Variants in TMEM233 observed in about 807,000 individuals in gnomAD.
TMEM233 encodes transmembrane protein 233.
Under a neutral mutation model 11.2 loss-of-function variants are expected in TMEM233, and 6 were observed. The observed-to-expected ratio is 0.54, with a 90% confidence interval of 0.29 to 1.06. TMEM233 has a LOEUF of 1.06. Among genes scored for constraint, TMEM233 ranks in the 50% least tolerant of loss-of-function variants. The probability of loss-of-function intolerance (pLI) is 0.08; values close to 1 mark genes in which losing one functional copy is unlikely to be tolerated. For synonymous variants in TMEM233, 59 were observed against 55.8 expected (o/e 1.06, Z -0.26); for missense variants, 127 against 144.7 (o/e 0.88, Z 0.63).
chr12:119,618,199 A>T (rs1954573933), intron 1 of TMEM233, among the ~76,000 whole-genome samples: 2 of 152,194 alleles, frequency 1.3e-5, no homozygotes, highest in Non-Finnish European at 2.9e-5. Flanking sequence ...AGAAGACAAT[A>T]ACTGAGGTTT....
chr12:119,636,097 C>T (rs551842165), intron 2 of TMEM233, among the ~76,000 whole-genome samples: 4 of 152,220 alleles, frequency 2.6e-5, no homozygotes, highest in South Asian at 2.1e-4. Flanking sequence ...TCCCTGGAGT[C>T]CAGGGGGTGG....
chr12:119,646,237 T>C (rs1046665550), downstream of TMEM233, among the ~76,000 whole-genome samples: 9 of 152,080 alleles, frequency 5.9e-5, no homozygotes, highest in African/African-American at 2.2e-4. Context: ...TTTTGTATTT[T>C]TAGTAGAGAC....
At chr12:119,653,983 AAAC>A in the TMEM233 span, among the ~76,000 whole-genome samples, 1 of 151,704 alleles carries the variant, frequency 6.6e-6, no homozygotes. Flanking sequence ...AAAAAAAAAA[AAAC>A]AAAAACCCAA....
At chr12:119,615,679 A>G (rs1028540781) in intron 1 of TMEM233, among the ~76,000 whole-genome samples, 7 of 152,184 alleles carry the variant, frequency 4.6e-5, no homozygotes, top group African/African-American at 1.4e-4. Flanking sequence ...CCAGGGTATC[A>G]TGTGGGATGT....
intron 1 of TMEM233, among the ~76,000 whole-genome samples, chr12:119,618,275 G>A (rs1197957694): frequency 6.6e-6 from 1 of 152,242 alleles, no homozygotes; most frequent in African/African-American, 2.4e-5. Context: ...GAAATTTGCT[G>A]CAGGGGCAGA....
chr12:119,649,770 T>G, the TMEM233 span, among the ~76,000 whole-genome samples: 1 of 150,460 alleles, frequency 6.6e-6, no homozygotes, highest in African/African-American at 2.5e-5. Flanking sequence ...ATGCCAACAC[T>G]GGCTCAGCGG....
At chr12:119,650,599 C>T in the TMEM233 span, among the ~76,000 whole-genome samples, 4 of 134,332 alleles carry the variant, frequency 3.0e-5, no homozygotes, top group Non-Finnish European at 6.3e-5. Context: ...TTAATTATAA[C>T]ACATTCCTTT....
intron 1 of TMEM233, among the ~76,000 whole-genome samples, chr12:119,604,288 C>T (rs1954221771): frequency 6.6e-6 from 1 of 152,176 alleles, no homozygotes; most frequent in African/African-American, 2.4e-5. Context: ...AATTGAGAAA[C>T]CAAATGCTGA....
chr12:119,640,874 G>GAGAAAT lies in TMEM233; in HGVS notation c.*169_*170insAGAAAT. On this transcript the variant is annotated 3_prime_UTR_variant, in exon 3 of 3. Transcript: ENST00000426426. ...TGAACAAGAAAAAAAAAAAAAAAAA[G>GAGAAAT]TCCAAAATTTAGGCAATCCAAGCTG... 1 of 566,202 alleles carries GAGAAAT rather than the reference G, an allele frequency of 1.8e-6. No individual in the cohort carries two copies. Among genetic ancestry groups the GAGAAAT allele is most frequent in the Non-Finnish European group, 2.8e-6 (1 of 357,214 alleles). 35.1% of individuals were successfully genotyped at this position (566,202 alleles called of 1,614,324 possible).
intron 1 of TMEM233, among the ~76,000 whole-genome samples, chr12:119,608,243 A>T (rs1218070273): frequency 6.6e-6 from 1 of 152,190 alleles, no homozygotes; most frequent in Non-Finnish European, 1.5e-5. Context: ...GAGAGAGGGC[A>T]CCTGATGCTC....
At chr12:119,621,052 T>C (rs1954631114) in intron 1 of TMEM233, among the ~76,000 whole-genome samples, 1 of 151,144 alleles carries the variant, frequency 6.6e-6, no homozygotes, top group Non-Finnish European at 1.5e-5. Flanking sequence ...GGCTTTTTTT[T>C]TTTTTTTTTT....
At chr12:119,645,320 C>CAAGAAAAA (rs1555268600), downstream of TMEM233, among the ~76,000 whole-genome samples, 6 of 74,794 alleles carry the variant, frequency 8.0e-5, no homozygotes, top group Non-Finnish European at 1.5e-4. Flanking sequence ...CACCAATTAC[C>CAAGAAAAA]AAAAAAAAAA....
intron 1 of TMEM233, among the ~76,000 whole-genome samples, chr12:119,623,778 C>T (rs1954694340): frequency 6.6e-6 from 1 of 152,130 alleles, no homozygotes; most frequent in South Asian, 2.1e-4. Flanking sequence ...GGAGCCAATA[C>T]CAACCACTTG....
At chr12:119,628,180 C>T (rs1207693207) in intron 1 of TMEM233, among the ~76,000 whole-genome samples, 3 of 151,160 alleles carry the variant, frequency 2.0e-5, no homozygotes, top group Non-Finnish European at 2.9e-5. Flanking sequence ...ATTTTTGAGA[C>T]GGAGTTTCAC....
chr12:119,615,763 G>A (rs1954515468), intron 1 of TMEM233, among the ~76,000 whole-genome samples: 1 of 152,296 alleles, frequency 6.6e-6, no homozygotes, highest in East Asian at 1.9e-4. Context: ...TAGGGCAGTG[G>A]AGTAGCTTTG....
chr12:119,597,563 AG>A (rs1954072058), intron 1 of TMEM233, among the ~76,000 whole-genome samples: 1 of 152,228 alleles, frequency 6.6e-6, no homozygotes, highest in Admixed American at 6.5e-5. Flanking sequence ...ACCAAATTAG[AG>A]TAGGTGCTGG....
At chr12:119,640,075 T>C (rs942283701) in intron 2 of TMEM233, among the ~76,000 whole-genome samples, 1 of 152,358 alleles carries the variant, frequency 6.6e-6, no homozygotes, top group South Asian at 2.1e-4. Context: ...AGCACTACTA[T>C]ACTAATCCTT....
chr12:119,648,510 C>T, the TMEM233 span, among the ~76,000 whole-genome samples: 3 of 152,320 alleles, frequency 2.0e-5, no homozygotes, highest in Non-Finnish European at 2.9e-5. Flanking sequence ...GATATGCCAA[C>T]GTTTCAAGAA....
At chr12:119,636,101 G>A (rs754722930) in intron 2 of TMEM233, among the ~76,000 whole-genome samples, 3 of 152,034 alleles carry the variant, frequency 2.0e-5, no homozygotes, top group African/African-American at 7.2e-5. Context: ...TGGAGTCCAG[G>A]GGGTGGGACT....
Sources: gnomAD v4.1 joint callset for allele counts (sites outside exome capture counted in the v4.1 genomes callset) on GRCh38, gnomAD v4.1.1 for gene constraint, MANE v1.5 for transcripts, NCBI Gene and HGNC (gene_info 2026-07-23, HGNC 2026-07-21) for gene names.